Variants in THEMIS observed in about 807,000 individuals in gnomAD.
THEMIS encodes the protein protein THEMIS.
A neutral mutation model predicts 52.6 loss-of-function variants in THEMIS; 37 were observed. That is an observed-to-expected ratio of 0.70 (90% CI 0.54 to 0.93). The LOEUF is 0.93. Among genes scored for constraint, THEMIS ranks in the 40% least tolerant of loss-of-function variants. The pLI is 0.00. For missense variants in THEMIS, 808 were observed against 763.1 expected (o/e 1.06, Z -0.69); for synonymous variants, 292 against 272.7 (o/e 1.07, Z -0.70).
intron 1 of THEMIS, among the ~76,000 whole-genome samples, chr6:127,870,780 G>A (rs1487457934): frequency 2.6e-5 from 4 of 152,072 alleles, no homozygotes; most frequent in Non-Finnish European, 5.9e-5. Flanking sequence ...AATCTACCAG[G>A]AAGATAAGGA....
At chr6:127,856,658 C>T (rs1683501730) in intron 1 of THEMIS, among the ~76,000 whole-genome samples, 1 of 151,970 alleles carries the variant, frequency 6.6e-6, no homozygotes, top group Admixed American at 6.6e-5. Context: ...TAAGGATAGT[C>T]TATCCATTCC....
At chr6:127,822,811 A>G (rs1167096236) in intron 3 of THEMIS, among the ~76,000 whole-genome samples, 1 of 152,080 alleles carries the variant, frequency 6.6e-6, no homozygotes, top group Non-Finnish European at 1.5e-5. Flanking sequence ...TCATCTAATC[A>G]GTTGGTGGTC....
intron 4 of THEMIS, 125 bp from the exon 5 acceptor site, chr6:127,719,948 C>T: frequency 1.6e-6 from 2 of 1,247,386 alleles, no homozygotes; most frequent in Middle Eastern, 2.4e-4. Context: ...CATGTCAAAG[C>T]AAGCTACAAA....
At chr6:127,853,195 T>C (rs1303691806) in intron 2 of THEMIS, among the ~76,000 whole-genome samples, 1 of 151,640 alleles carries the variant, frequency 6.6e-6, no homozygotes, top group African/African-American at 2.4e-5. Flanking sequence ...AGTACACAAA[T>C]AGCCTCAATT....
At chr6:127,894,777 A>G (rs1228776647) in intron 1 of THEMIS, among the ~76,000 whole-genome samples, 1 of 151,620 alleles carries the variant, frequency 6.6e-6, no homozygotes. Context: ...TGTTAAACCT[A>G]CTTTTAGAAA....
chr6:127,769,650 T>A (rs1351923352), intron 4 of THEMIS, among the ~76,000 whole-genome samples: 1 of 152,166 alleles, frequency 6.6e-6, no homozygotes, highest in Non-Finnish European at 1.5e-5. Flanking sequence ...ATATTTATAC[T>A]TTAAATTCTA....
chr6:127,733,341 C>A (rs962165590), intron 4 of THEMIS, among the ~76,000 whole-genome samples: 2 of 152,028 alleles, frequency 1.3e-5, no homozygotes, highest in African/African-American at 4.8e-5. Context: ...ATCTTTAATC[C>A]GCAGGTTGTT....
intron 4 of THEMIS, among the ~76,000 whole-genome samples, chr6:127,800,547 T>C (rs1405853361): frequency 6.6e-6 from 1 of 152,156 alleles, no homozygotes; most frequent in Non-Finnish European, 1.5e-5. Flanking sequence ...TAATACTGAG[T>C]GTTAACTTGA....
chr6:127,888,935 A>G (rs1168133899), intron 1 of THEMIS, among the ~76,000 whole-genome samples: 1 of 152,124 alleles, frequency 6.6e-6, no homozygotes, highest in African/African-American at 2.4e-5. Context: ...GAAGTTGATA[A>G]TAACTTCAGT....
At chr6:127,765,556 A>T (rs761236144) in intron 4 of THEMIS, among the ~76,000 whole-genome samples, 1 of 152,160 alleles carries the variant, frequency 6.6e-6, no homozygotes, top group Non-Finnish European at 1.5e-5. Context: ...TATTTAATCA[A>T]AATTGAACTG....
At chr6:127,838,717 A>G (rs192963949) in intron 2 of THEMIS, among the ~76,000 whole-genome samples, 2 of 152,196 alleles carry the variant, frequency 1.3e-5, no homozygotes, top group East Asian at 3.9e-4. Context: ...TGTTTGCTAC[A>G]TTATTAACTA....
intron 1 of THEMIS, among the ~76,000 whole-genome samples, chr6:127,881,439 AT>A (rs1475942515): frequency 1.3e-5 from 2 of 151,990 alleles, no homozygotes; most frequent in Non-Finnish European, 1.5e-5. Flanking sequence ...CATAATCTAT[AT>A]TTATAGGATT....
At position 127,840,680 on chromosome 6, in the gene THEMIS, G is replaced by A. The variant is rs79264757; in HGVS notation, c.251-10746C>T. On this transcript the variant is annotated intron_variant, in intron 2 of 5. Coordinates refer to ENST00000368248, the MANE Select transcript of THEMIS (RefSeq NM_001010923.3). Reference sequence around the variant, plus strand: ...GTTTATAGCAGCCTTATTCGTAATTGCCAAGGCTTGGAAGTAATAACTATG... The same window carrying A: ...GTTTATAGCAGCCTTATTCGTAATTACCAAGGCTTGGAAGTAATAACTATG... Among the ~76,000 whole-genome samples, 761 of 152,142 alleles carry A rather than the reference G, an allele frequency of 5.0e-3. 6 individuals are homozygous for A. The highest frequency in any genetic ancestry group is 0.018 in the African/African-American group (732 of 41,538).
chr6:127,873,227 T>C (rs1380460817), intron 1 of THEMIS, among the ~76,000 whole-genome samples: 1 of 152,178 alleles, frequency 6.6e-6, no homozygotes, highest in Non-Finnish European at 1.5e-5. Context: ...CTCAAATTGA[T>C]ATACAGGTCA....
At chr6:127,727,533 T>G (rs952766154) in intron 4 of THEMIS, among the ~76,000 whole-genome samples, 9 of 152,088 alleles carry the variant, frequency 5.9e-5, no homozygotes, top group Non-Finnish European at 1.0e-4. Flanking sequence ...CTCAACTCAT[T>G]TATTAAAAAT....
rs190945021 is a variant in THEMIS at position 127,777,891 on chromosome 6, A to G, written c.1758+34992T>C. Among the ~76,000 whole-genome samples the G allele has an allele frequency of 1.7e-3, 256 of 152,308 alleles. 1 individual carries two copies. The highest frequency in any genetic ancestry group is 6.0e-3 in the African/African-American group (249 of 41,582). On this transcript the variant is annotated intron_variant, in intron 4 of 5. Transcript: ENST00000368248. ...CATCCAGAGTTCTATAATTGTTTCC[A>G]GAGGGGTGACTAGGTTCCCCAATAT... is the stretch of plus-strand genomic sequence containing the variant.
intron 4 of THEMIS, among the ~76,000 whole-genome samples, chr6:127,734,241 T>C (rs1328500704): frequency 6.6e-6 from 1 of 152,244 alleles, no homozygotes; most frequent in African/African-American, 2.4e-5. Flanking sequence ...TTTGAATCTT[T>C]ACTTGATAAG....
At chr6:127,789,133 C>T (rs1326099508) in intron 4 of THEMIS, among the ~76,000 whole-genome samples, 1 of 151,814 alleles carries the variant, frequency 6.6e-6, no homozygotes, top group African/African-American at 2.4e-5. Flanking sequence ...AGACCACTAG[C>T]CAGACTAATA....
chr6:127,830,925 T>C (rs913841551), intron 2 of THEMIS, among the ~76,000 whole-genome samples: 1 of 152,132 alleles, frequency 6.6e-6, no homozygotes, highest in Non-Finnish European at 1.5e-5. Flanking sequence ...GAGAAGAATA[T>C]GAGATGCAGA....
Sources: gnomAD v4.1 joint callset for allele counts (sites outside exome capture counted in the v4.1 genomes callset) on GRCh38, gnomAD v4.1.1 for gene constraint, MANE v1.5 for transcripts, NCBI Gene and HGNC (gene_info 2026-07-23, HGNC 2026-07-21) for gene names.